Variants in DIS3L2 observed in about 807,000 individuals in gnomAD.
DIS3L2 encodes the protein DIS3 like 3'-5' exoribonuclease 2.
DIS3L2 carries 34 observed loss-of-function variants against 97.5 expected under a neutral mutation model. The ratio of observed to expected loss-of-function variants is 0.35; its 90% CI spans 0.27 to 0.46. DIS3L2 has a LOEUF of 0.46. Among genes scored for constraint, DIS3L2 ranks in the 20% least tolerant of loss-of-function variants. The pLI is 1.00. For synonymous variants in DIS3L2, 435 were observed against 445.2 expected (o/e 0.98, Z 0.29); for missense variants, 1,038 against 1,146.0 (o/e 0.91, Z 1.36).
At position 232,158,306 on chromosome 2, in the gene DIS3L2, CGTGTGTGTGTGT is replaced by C. The variant is rs111880090; in HGVS notation, c.951-5135_951-5124del. On this transcript the variant is annotated intron_variant, in intron 8 of 20. Coordinates refer to ENST00000325385, the MANE Select transcript of DIS3L2 (RefSeq NM_152383.5). ...AACCTTTCTGCATCCTCCTTTATAT[CGTGTGTGTGTGT>C]GTGTGTGTGTGTGTGTGCATGTGTG... Among the ~76,000 whole-genome samples, 11 of 150,590 alleles carry C rather than the reference CGTGTGTGTGTGT, an allele frequency of 7.3e-5. No individual in the cohort carries two copies. The East Asian group carries it at 2.0e-3, about 27-fold the overall frequency.
chr2:232,219,913 G>A (rs1181812307), intron 10 of DIS3L2, among the ~76,000 whole-genome samples: 1 of 151,988 alleles, frequency 6.6e-6, no homozygotes, highest in Non-Finnish European at 1.5e-5. Context: ...TGATCTAAAA[G>A]CCAAATGTTT....
In DIS3L2 at chr2:232,238,608, C is replaced by G. The variant is rs1692998117; in HGVS notation, c.1280C>G (p.Ala427Gly). 6.2e-7 allele frequency: 1 copy of G among 1,614,208 alleles called. No individual in the cohort carries two copies. Among genetic ancestry groups the G allele is most frequent in the African/African-American group, 1.3e-5 (1 of 75,062 alleles). The change falls in exon 11 of 21, where the codon GCT becomes GGT. Residue 427 changes from alanine to glycine, a missense_variant. This residue lies in a region of DIS3L2 where 813 missense variants were observed against 880.1 expected (regional missense o/e 0.92). Transcript: ENST00000325385. ...GAGGGATCTGATCTGGATAAAGTGGCTGCCGAGAGGGCTACAAGCGTCTAC... is the reference window on the plus strand; with the variant it reads ...GAGGGATCTGATCTGGATAAAGTGGGTGCCGAGAGGGCTACAAGCGTCTAC... ...VPEGSDLDKV[A>G]AERATSVYLV...
At chr2:232,017,085 T>G (rs959951080) in intron 3 of DIS3L2, among the ~76,000 whole-genome samples, 6 of 152,062 alleles carry the variant, frequency 3.9e-5, no homozygotes, top group African/African-American at 1.4e-4. Flanking sequence ...GTGGTTTTAA[T>G]TTATTATTTA....
chr2:232,300,015 C>T, intron 13 of DIS3L2, 25 bp from the exon 14 acceptor site: 2 of 1,610,848 alleles, frequency 1.2e-6, no homozygotes, highest in Non-Finnish European at 1.7e-6. Flanking sequence ...CCTAAAACTT[C>T]TTTTTCTCTT....
intron 10 of DIS3L2, among the ~76,000 whole-genome samples, chr2:232,226,579 T>A (rs1692654330): frequency 4.6e-5 from 7 of 152,222 alleles, no homozygotes; most frequent in Admixed American, 1.3e-4. Flanking sequence ...CTTAACTCCA[T>A]TTTAGTGAGA....
intron 9 of DIS3L2, among the ~76,000 whole-genome samples, chr2:232,201,876 A>G (rs561156349): frequency 1.3e-5 from 2 of 152,352 alleles, no homozygotes; most frequent in South Asian, 4.1e-4. Flanking sequence ...ATATGGAAAA[A>G]TGTTGAAATT....
chr2:232,292,171 A>C lies in DIS3L2; in HGVS notation c.1660-7869A>C, dbSNP rs1031497271. ...TGTAGCCTGGCCCACTGTCTTCACC[A>C]GGCTGGGATCCAAAATAAGGTCACA... On this transcript the variant is annotated intron_variant, in intron 13 of 20. Transcript: ENST00000325385. This position sits in a 1 kb window ranked among gnomAD's most constrained non-coding sequence, Gnocchi z 4.4. 6.6e-6 allele frequency among the ~76,000 whole-genome samples: 1 copy of C among 152,162 alleles called. No homozygotes were observed. Among genetic ancestry groups the C allele is most frequent in the Non-Finnish European group, 1.5e-5 (1 of 68,028 alleles).
intron 14 of DIS3L2, among the ~76,000 whole-genome samples, chr2:232,323,306 A>G (rs961882743): frequency 6.6e-6 from 1 of 152,218 alleles, no homozygotes; most frequent in Non-Finnish European, 1.5e-5. Flanking sequence ...GGCTGGCTTT[A>G]TGCTGACAAG....
At chr2:232,284,062 TG>T (rs777934093) in intron 13 of DIS3L2, among the ~76,000 whole-genome samples, 65 of 152,146 alleles carry the variant, frequency 4.3e-4, no homozygotes, top group Non-Finnish European at 7.9e-4. Context: ...AAAAGTGGGT[TG>T]TTTTTTTTTT....
At chr2:232,005,218 C>T (rs1167164361) in intron 1 of DIS3L2, among the ~76,000 whole-genome samples, 1 of 138,554 alleles carries the variant, frequency 7.2e-6, no homozygotes, top group Non-Finnish European at 1.5e-5. Flanking sequence ...GCTTCAGACC[C>T]TGTTAGGTTC....
chr2:232,009,441 A>G (rs1694137491), intron 1 of DIS3L2, among the ~76,000 whole-genome samples: 1 of 151,936 alleles, frequency 6.6e-6, no homozygotes, highest in Non-Finnish European at 1.5e-5. Flanking sequence ...GTGACTGCTG[A>G]TGTCTCTGCT....
chr2:231,994,745 A>C (rs943712049), intron 1 of DIS3L2, among the ~76,000 whole-genome samples: 4 of 150,454 alleles, frequency 2.7e-5, no homozygotes, highest in African/African-American at 7.3e-5. Flanking sequence ...TTTCTTTCAA[A>C]ATTTATATTT....
intron 10 of DIS3L2, among the ~76,000 whole-genome samples, chr2:232,220,671 C>A (rs900289108): frequency 5.3e-5 from 8 of 151,654 alleles, no homozygotes; most frequent in African/African-American, 1.7e-4. Context: ...CGCACCACTG[C>A]ACTCCAGCAT....
intron 6 of DIS3L2, among the ~76,000 whole-genome samples, chr2:232,120,696 A>T (rs995392660): frequency 6.6e-6 from 1 of 151,904 alleles, no homozygotes; most frequent in African/African-American, 2.4e-5. Flanking sequence ...CTTTCACCAG[A>T]TGTGTTTGGC....
chr2:232,005,191 T>TTTA (rs1553600475), intron 1 of DIS3L2, among the ~76,000 whole-genome samples: 6 of 143,722 alleles, frequency 4.2e-5, no homozygotes, highest in East Asian at 2.0e-4. Flanking sequence ...TTTTTTTTTT[T>TTTA]ATTTCACTAG....
intron 5 of DIS3L2, among the ~76,000 whole-genome samples, chr2:232,030,799 T>C (rs1397402588): frequency 2.6e-5 from 4 of 152,162 alleles, no homozygotes; most frequent in Non-Finnish European, 5.9e-5. Context: ...TTTGTTTTAT[T>C]TGGCTTTTTT....
intron 12 of DIS3L2, among the ~76,000 whole-genome samples, chr2:232,260,868 A>C (rs1398027107): frequency 6.6e-6 from 1 of 152,090 alleles, no homozygotes; most frequent in Non-Finnish European, 1.5e-5. Flanking sequence ...GTCCTTCCCC[A>C]TGGGGAATGC....
At chr2:232,079,599 C>CAAAAAAAAAAAAAAAAAAAAAA (rs760870721) in intron 5 of DIS3L2, among the ~76,000 whole-genome samples, 1 of 29,630 alleles carries the variant, frequency 3.4e-5, no homozygotes, top group African/African-American at 1.7e-4. Context: ...GACTCTATCT[C>CAAAAAAAAAAAAAAAAAAAAAA]AAAAAAAAAA....
chr2:232,135,042 T>G (rs541970199), intron 7 of DIS3L2, among the ~76,000 whole-genome samples: 6 of 152,248 alleles, frequency 3.9e-5, no homozygotes, highest in Non-Finnish European at 8.8e-5. Context: ...TGTGGTGGAT[T>G]CATCGGAGAG....
Sources: allele counts gnomAD v4.1 joint callset (sites outside exome capture counted in the v4.1 genomes callset), GRCh38; gene constraint gnomAD v4.1.1; regional missense constraint gnomAD v4.1.1; non-coding constraint Gnocchi (gnomAD v3.1); transcripts MANE v1.5; gene names NCBI Gene and HGNC (gene_info 2026-07-23, HGNC 2026-07-21).